Variants in FNDC3A observed in about 807,000 individuals in gnomAD.
FNDC3A encodes the protein fibronectin type-III domain-containing protein 3A.
FNDC3A carries 32 observed loss-of-function variants against 148.9 expected under a neutral mutation model. The ratio of observed to expected loss-of-function variants is 0.21; its 90% CI spans 0.16 to 0.29. The LOEUF is 0.29. FNDC3A is among the 10% of genes least tolerant of loss of function. The pLI is 1.00. For synonymous variants in FNDC3A, 472 were observed against 473.6 expected (o/e 1.00, Z 0.04); for missense variants, 1,191 against 1,452.8 (o/e 0.82, Z 2.93).
chr13:49,094,032 A>G (rs1299842724), intron 3 of FNDC3A, among the ~76,000 whole-genome samples: 1 of 152,158 alleles, frequency 6.6e-6, no homozygotes, highest in Non-Finnish European at 1.5e-5. Context: ...CAGATTTTAT[A>G]TTAAACAAAA....
At chr13:49,101,855 G>T (rs1357516662) in intron 3 of FNDC3A, among the ~76,000 whole-genome samples, 1 of 149,894 alleles carries the variant, frequency 6.7e-6, no homozygotes, top group Non-Finnish European at 1.5e-5. Context: ...GGCAGTGTGG[G>T]CAATACTTAA....
chr13:49,134,081 C>T (rs533048940), intron 5 of FNDC3A, among the ~76,000 whole-genome samples: 1 of 152,086 alleles, frequency 6.6e-6, no homozygotes, highest in East Asian at 1.9e-4. Flanking sequence ...TCAATGTTTT[C>T]TATATTCAGT....
intron 3 of FNDC3A, among the ~76,000 whole-genome samples, chr13:49,102,074 G>T (rs1879893778): frequency 6.6e-6 from 1 of 151,926 alleles, no homozygotes; most frequent in African/African-American, 2.4e-5. Context: ...TTGGGCTTAA[G>T]CATTCCTCCC....
chr13:48,985,472 A>G (rs952754489), intron 1 of FNDC3A, among the ~76,000 whole-genome samples: 2 of 152,232 alleles, frequency 1.3e-5, no homozygotes, highest in Non-Finnish European at 2.9e-5. Context: ...GAGAAAATGT[A>G]TGATGGGAAA....
At chr13:49,088,698 G>T (rs187059822) in intron 3 of FNDC3A, among the ~76,000 whole-genome samples, 2 of 151,740 alleles carry the variant, frequency 1.3e-5, no homozygotes, top group Non-Finnish European at 2.9e-5. Context: ...TTTTCCAACC[G>T]CACTAGTACT....
At chr13:49,181,517 G>A (rs778361867) in intron 14 of FNDC3A, among the ~76,000 whole-genome samples, 49 of 149,524 alleles carry the variant, frequency 3.3e-4, no homozygotes, top group Non-Finnish European at 5.6e-4. Context: ...TCTAGAGGAG[G>A]AAAAAAAAAC....
At chr13:49,006,864 A>T (rs1344325049) in intron 2 of FNDC3A, among the ~76,000 whole-genome samples, 1 of 152,044 alleles carries the variant, frequency 6.6e-6, no homozygotes, top group African/African-American at 2.4e-5. Context: ...CTTCATTCTC[A>T]TAACTATCTT....
intron 7 of FNDC3A, 40 bp from the exon 8 acceptor site, chr13:49,145,738 C>T: frequency 1.3e-6 from 2 of 1,548,370 alleles, no homozygotes; most frequent in Non-Finnish European, 1.8e-6. Flanking sequence ...GTATACATTA[C>T]AGTTGTTTTA....
chr13:49,195,906 T>A (rs1306057824), intron 19 of FNDC3A, among the ~76,000 whole-genome samples: 1 of 151,586 alleles, frequency 6.6e-6, no homozygotes, highest in Non-Finnish European at 1.5e-5. Flanking sequence ...AAACCCTGTC[T>A]CTGTAAAAAG....
intron 1 of FNDC3A, among the ~76,000 whole-genome samples, chr13:49,001,434 C>T (rs1952124321): frequency 6.6e-6 from 1 of 152,184 alleles, no homozygotes; most frequent in Admixed American, 6.5e-5. Flanking sequence ...CTTGATAAAA[C>T]AGGATAACAG....
rs1442304946 is a variant in FNDC3A, at chr13:49,208,820, G to A, written c.*1425G>A. 1 of 152,570 alleles carries A rather than the reference G, an allele frequency of 6.6e-6. No homozygotes were observed. The highest frequency in any genetic ancestry group is 2.4e-5 in the African/African-American group (1 of 41,442). 9.5% of individuals were successfully genotyped at this position (152,570 alleles called of 1,614,324 possible). A position where few individuals can be genotyped will look rare whatever the true frequency, so the allele number is the denominator to read the frequency against. ...AGCGAATCACTAATTTTTAGTTGCT[G>A]AGGTTGGCATTTTAGTGATTATTAA... On this transcript the variant is annotated 3_prime_UTR_variant, in exon 26 of 26. Coordinates refer to ENST00000492622, the MANE Select transcript of FNDC3A (RefSeq NM_001079673.2).
intron 2 of FNDC3A, chr13:49,046,015 T>G (rs1386227004): frequency 5.8e-6 from 1 of 171,094 alleles, no homozygotes; most frequent in Non-Finnish European, 1.2e-5. Flanking sequence ...AAGCTAATAT[T>G]TGAGATAGAA....
rs1886806238 is a variant in FNDC3A at position 49,209,661 on chromosome 13, C to CT, written c.*2267dup. On this transcript the variant is annotated 3_prime_UTR_variant, in exon 26 of 26. Transcript: ENST00000492622. Reference sequence around the variant, plus strand: ...GTTTAAGAAAGTGAAATGTTATGGTCTCCCCTCTTCCAATGAGCTTAAAAC... The same window carrying CT: ...GTTTAAGAAAGTGAAATGTTATGGTCTTCCCCTCTTCCAATGAGCTTAAAAC... The CT allele has an allele frequency of 6.6e-6, 1 of 152,428 alleles. No homozygotes were observed. The highest frequency in any genetic ancestry group is 2.4e-5 in the African/African-American group (1 of 41,394). The allele number at this position is 152,428 out of a possible 1,614,324, so 9.4% of individuals were successfully genotyped here. A position where few individuals can be genotyped will look rare whatever the true frequency, so the allele number is the denominator to read the frequency against.
intron 4 of FNDC3A, among the ~76,000 whole-genome samples, chr13:49,124,235 A>G (rs1881548719): frequency 6.6e-6 from 1 of 152,110 alleles, no homozygotes; most frequent in African/African-American, 2.4e-5. Context: ...GCAGATTAAC[A>G]CAGGAACAGA....
At chr13:49,200,113 T>C (rs1886355540) in intron 23 of FNDC3A, among the ~76,000 whole-genome samples, 2 of 152,224 alleles carry the variant, frequency 1.3e-5, no homozygotes, top group Admixed American at 1.3e-4. Flanking sequence ...TTTTCTACTT[T>C]TCACTGAATA....
intron 2 of FNDC3A, among the ~76,000 whole-genome samples, chr13:49,043,356 T>C (rs1240000859): frequency 6.6e-6 from 1 of 152,230 alleles, no homozygotes; most frequent in African/African-American, 2.4e-5. Flanking sequence ...TTGAAATTTG[T>C]GAAACTTGAT....
chr13:49,100,958 C>T (rs1245775301), intron 3 of FNDC3A, among the ~76,000 whole-genome samples: 2 of 151,942 alleles, frequency 1.3e-5, no homozygotes, highest in African/African-American at 4.8e-5. Context: ...TTTGTTGAAT[C>T]GACATCTTAG....
chr13:49,166,085 C>T (rs1336928765), intron 8 of FNDC3A, among the ~76,000 whole-genome samples: 1 of 152,086 alleles, frequency 6.6e-6, no homozygotes, highest in Non-Finnish European at 1.5e-5. Context: ...AGGGATGACC[C>T]CCAGGCCCAA....
chr13:49,018,366 T>G (rs1872995837), intron 2 of FNDC3A, among the ~76,000 whole-genome samples: 1 of 152,216 alleles, frequency 6.6e-6, no homozygotes, highest in Non-Finnish European at 1.5e-5. Flanking sequence ...CTTCCATCGC[T>G]GATACCCTTT....
Sources: gnomAD v4.1 joint callset for allele counts (sites outside exome capture counted in the v4.1 genomes callset) on GRCh38, gnomAD v4.1.1 for gene constraint, MANE v1.5 for transcripts, NCBI Gene and HGNC (gene_info 2026-07-23, HGNC 2026-07-21) for gene names.